The following FANCC variants were observed in gnomAD, a reference collection of about 807,000 sequenced individuals.
FANCC encodes FA complementation group C, also known as Fanconi anemia group C protein.
Under a neutral mutation model 71.3 loss-of-function variants are expected in FANCC, and 55 were observed. The ratio of observed to expected loss-of-function variants is 0.77; its 90% CI spans 0.62 to 0.97. FANCC has a LOEUF of 0.97. Among genes scored for constraint, FANCC ranks in the 50% least tolerant of loss-of-function variants. The probability of loss-of-function intolerance (pLI) is 0.00; values close to 1 mark genes in which losing one functional copy is unlikely to be tolerated. For missense variants in FANCC, 678 were observed against 670.9 expected (o/e 1.01, Z -0.12); for synonymous variants, 275 against 244.9 (o/e 1.12, Z -1.15).
intron 7 of FANCC, among the ~76,000 whole-genome samples, chr9:95,146,499 A>AAG (rs1275925492): frequency 2.6e-5 from 4 of 151,340 alleles, no homozygotes; most frequent in Non-Finnish European, 5.9e-5. Flanking sequence ...AAAAAAAAAA[A>AAG]AAAAAAAAAA....
intron 4 of FANCC, among the ~76,000 whole-genome samples, chr9:95,229,991 C>T (rs1829897282): frequency 6.6e-6 from 1 of 151,754 alleles, no homozygotes; most frequent in South Asian, 2.1e-4. Flanking sequence ...CAACACAAAA[C>T]AAAAAAGAAC....
chr9:95,309,233 C>T (rs1205535939), intron 1 of FANCC, among the ~76,000 whole-genome samples: 1 of 152,146 alleles, frequency 6.6e-6, no homozygotes, highest in Non-Finnish European at 1.5e-5. Flanking sequence ...TCTAATGGTA[C>T]TAGTCAGTAT....
At chr9:95,259,774 A>G (rs548353794) in intron 1 of FANCC, among the ~76,000 whole-genome samples, 4 of 152,206 alleles carry the variant, frequency 2.6e-5, no homozygotes, top group Non-Finnish European at 5.9e-5. Context: ...AATGGGAGAA[A>G]ATTTTTGCAA....
intron 13 of FANCC, 129 bp from the exon 14 acceptor site, chr9:95,107,398 G>T: frequency 1.0e-6 from 1 of 988,420 alleles, no homozygotes; most frequent in Non-Finnish European, 1.5e-6. Flanking sequence ...GAGGGAGCTA[G>T]GCAGCGGCCG....
chr9:95,289,260 A>T lies in FANCC; in HGVS notation c.-79+28266T>A, dbSNP rs147453230. On this transcript the variant is annotated intron_variant, in intron 1 of 14. Coordinates refer to ENST00000289081, the MANE Select transcript of FANCC (RefSeq NM_000136.3). ...CCTGATTAGGTAACTAATGCTCAGA[A>T]GCACATATAATTCTAATAAATAGCA... is the stretch of plus-strand genomic sequence containing the variant. Among the ~76,000 whole-genome samples, 149 of 152,312 alleles carry T rather than the reference A, an allele frequency of 9.8e-4. 1 individual carries two copies. In the East Asian group the frequency reaches 0.024, roughly 24 times the overall value.
chr9:95,240,873 T>C, intron 3 of FANCC, 130 bp from the exon 4 acceptor site: 1 of 663,582 alleles, frequency 1.5e-6, no homozygotes, highest in Admixed American at 2.5e-5. Flanking sequence ...GAATATAACA[T>C]TTGCTTTCTC....
At chr9:95,273,615 T>G (rs534923240) in intron 1 of FANCC, among the ~76,000 whole-genome samples, 58 of 152,352 alleles carry the variant, frequency 3.8e-4, no homozygotes, top group African/African-American at 1.4e-3. Flanking sequence ...GTGGCTTTTT[T>G]TGTTCCCCCA....
intron 14 of FANCC, among the ~76,000 whole-genome samples, chr9:95,104,567 T>C (rs1425356752): frequency 6.6e-6 from 1 of 152,160 alleles, no homozygotes; most frequent in African/African-American, 2.4e-5. Context: ...CTCCCAGCAA[T>C]GTCTCTGGGC....
rs1440493340 is a variant in FANCC, at chr9:95,172,147, C to G, written c.346G>C (p.Gly116Arg). 1.3e-6 allele frequency: 2 copies of G among 1,589,732 alleles called. No homozygotes were observed. The highest frequency in any genetic ancestry group is 1.1e-5 in the South Asian group (1 of 89,800). ...GQSKLNSWIQ[G>R]VLSHILSALR... is the part of the protein sequence containing the mutation. ...GCTGAAAGTATATGAGATAATACAC[C>G]CTAAAAAACATAAACAGAAAAAGTT... Residue 116 changes from glycine (G) to arginine (R), a missense_variant and splice_region_variant, in exon 5 of 15, where the codon GGT becomes CGT. By Grantham distance (125) the Gly-to-Arg change is moderately radical. Transcript: ENST00000289081.
chr9:95,177,298 T>C (rs923385631), intron 4 of FANCC, among the ~76,000 whole-genome samples: 13 of 152,142 alleles, frequency 8.5e-5, no homozygotes, highest in African/African-American at 2.4e-4. Context: ...AAAACTATGG[T>C]ATAACACTGA....
At chr9:95,135,599 G>T in intron 7 of FANCC, 97 bp from the exon 8 acceptor site, 2 of 1,005,286 alleles carry the variant, frequency 2.0e-6, no homozygotes, top group Non-Finnish European at 1.5e-6. Flanking sequence ...TCCAATTTGT[G>T]AGACTTCTCA....
At chr9:95,276,026 C>T (rs1447898847) in intron 1 of FANCC, among the ~76,000 whole-genome samples, 1 of 152,200 alleles carries the variant, frequency 6.6e-6, no homozygotes, top group African/African-American at 2.4e-5. Flanking sequence ...TACAATTTCA[C>T]TAAAATCAGA....
chr9:95,252,291 A>AAAAAAAAAAAAAAAAAAAAC, intron 1 of FANCC, among the ~76,000 whole-genome samples: 1 of 149,580 alleles, frequency 6.7e-6, no homozygotes, highest in Non-Finnish European at 1.5e-5. Context: ...AAAAAAAAAA[A>AAAAAAAAAAAAAAAAAAAAC]AAAGAAAAAA....
intron 3 of FANCC, among the ~76,000 whole-genome samples, chr9:95,244,399 G>C (rs1042076970): frequency 1.3e-5 from 2 of 152,170 alleles, no homozygotes; most frequent in Non-Finnish European, 2.9e-5. Flanking sequence ...CACTTTGTAG[G>C]CTGGGTGCAG....
chr9:95,228,428 C>T (rs1829767544), intron 4 of FANCC, among the ~76,000 whole-genome samples: 1 of 152,236 alleles, frequency 6.6e-6, no homozygotes, highest in South Asian at 2.1e-4. Context: ...TCCATTCTCT[C>T]CTCTCCATGT....
chr9:95,100,611 A>ATGTT lies in FANCC; in HGVS notation c.*1092_*1095dup, dbSNP rs1186249909. 1 of 230,212 alleles carries ATGTT rather than the reference A, an allele frequency of 4.3e-6. No homozygotes were observed. The allele number at this position is 230,212 out of a possible 1,614,324, so 14.3% of individuals were successfully genotyped here. On this transcript the variant is annotated 3_prime_UTR_variant, in exon 15 of 15. Transcript: ENST00000289081. ...AGCACCCTGTACTGACATGAAATAA[A>ATGTT]TGTTAACCTTGAGATTACACTAACA...
rs1564635514 is a variant in FANCC, at chr9:95,101,870, G to A, written c.1534-20C>T. 1.9e-6 allele frequency: 3 copies of A among 1,613,646 alleles called. No individual in the cohort carries two copies. The highest frequency in any genetic ancestry group is 1.7e-6 in the Non-Finnish European group (2 of 1,179,886). ...AGCCATCTGCAATCAGGACAGAAGA[G>A]AAGGCAAATTAAAACACTTTCCAGA... On this transcript the variant is annotated intron_variant, in intron 14 of 14. Transcript: ENST00000289081.
At chr9:95,221,194 G>A (rs1260690021) in intron 4 of FANCC, among the ~76,000 whole-genome samples, 4 of 151,918 alleles carry the variant, frequency 2.6e-5, no homozygotes, top group Non-Finnish European at 5.9e-5. Flanking sequence ...CCAGCCTGGC[G>A]ACAGAGCATC....
intron 4 of FANCC, among the ~76,000 whole-genome samples, chr9:95,187,844 T>A (rs1337752437): frequency 2.0e-5 from 3 of 152,038 alleles, no homozygotes; most frequent in Admixed American, 2.0e-4. Flanking sequence ...AGACATGACC[T>A]AGACCACCGT....
Sources: gnomAD v4.1 joint callset for allele counts (sites outside exome capture counted in the v4.1 genomes callset) on GRCh38, gnomAD v4.1.1 for gene constraint, MANE v1.5 for transcripts, NCBI Gene and HGNC (gene_info 2026-07-23, HGNC 2026-07-21) for gene names.